The following EXTL2 variants were observed in gnomAD, a reference collection of about 807,000 sequenced individuals.
The protein encoded by EXTL2 is exostosin-like 2.
In EXTL2, 23 loss-of-function variants were observed where a neutral mutation model predicts 30.7. The ratio of observed to expected loss-of-function variants is 0.75; its 90% CI spans 0.54 to 1.06. EXTL2 has a LOEUF of 1.06. Ranked by LOEUF, EXTL2 falls within the 50% of genes least tolerant of loss-of-function variation. The probability of loss-of-function intolerance (pLI) is 0.00; values close to 1 mark genes in which losing one functional copy is unlikely to be tolerated. For synonymous variants in EXTL2, 123 were observed against 133.8 expected, an observed-to-expected ratio of 0.92 and a Z score of 0.56; for missense variants, 352 against 396.3, an observed-to-expected ratio of 0.89 and a Z score of 0.95.
At chr1:100,889,278 AACTC>A in intron 1 of EXTL2, among the ~76,000 whole-genome samples, 1 of 152,252 alleles carries the variant, frequency 6.6e-6, no homozygotes. Context: ...ATCTTGTGAG[AACTC>A]ACTCACTATC....
In EXTL2 at chr1:100,874,384, G is replaced by C. The variant is rs371011616; in HGVS notation, c.551C>G (p.Ser184Cys). Residue 184 changes from serine (S) to cysteine (C), a missense_variant, in exon 5 of 5, where the codon TCT becomes TGT. Ser to Cys is a moderately radical substitution (Grantham distance 112, BLOSUM62 -1). Transcript: ENST00000370114. ...ATAACTGTAGATACCTGATGAAGTAGAGACGTGCTTTCTAGGAACAAATCC... is the reference window on the plus strand; with the variant it reads ...ATAACTGTAGATACCTGATGAAGTACAGACGTGCTTTCTAGGAACAAATCC... ...IVGFVPRKHV[S>C]TSSGIYSYGS... is the part of the protein sequence containing the mutation. The C allele has an allele frequency of 3.7e-6, 6 of 1,608,808 alleles. No individual in the cohort carries two copies. Among genetic ancestry groups the C allele is most frequent in the Non-Finnish European group, 4.2e-6 (5 of 1,177,618 alleles).
intron 2 of EXTL2, among the ~76,000 whole-genome samples, chr1:100,885,148 C>G (rs1183125913): frequency 6.6e-6 from 1 of 152,262 alleles, no homozygotes; most frequent in Non-Finnish European, 1.5e-5. Context: ...ACAGACCACA[C>G]AGGCCCCCTT....
At chr1:100,885,704 A>C (rs1007722412) in intron 2 of EXTL2, 1 of 152,244 alleles carries the variant, frequency 6.6e-6, no homozygotes, top group Admixed American at 6.5e-5. Context: ...GTGCTATACA[A>C]GATTCGGGGA....
At chr1:100,890,553 C>A (rs1006032192) in intron 1 of EXTL2, among the ~76,000 whole-genome samples, 1 of 152,166 alleles carries the variant, frequency 6.6e-6, no homozygotes, top group Non-Finnish European at 1.5e-5. Context: ...TTATGCTCTG[C>A]TTCCCTTTTA....
chr1:100,883,378 T>C (rs1185527023), intron 2 of EXTL2, among the ~76,000 whole-genome samples: 1 of 152,068 alleles, frequency 6.6e-6, no homozygotes, highest in Non-Finnish European at 1.5e-5. Context: ...CCAATCCCTA[T>C]TTTCACTTCC....
At chr1:100,892,266 C>A (rs12740435) in intron 1 of EXTL2, among the ~76,000 whole-genome samples, 86,478 of 151,880 alleles carry the variant, frequency 0.57, 25,136 homozygotes, top group Middle Eastern at 0.65. Flanking sequence ...GGCTGCCAGC[C>A]TGGCTACGAA....
At chr1:100,893,906 G>T (rs935195505) in intron 1 of EXTL2, among the ~76,000 whole-genome samples, 2 of 152,160 alleles carry the variant, frequency 1.3e-5, no homozygotes, top group African/African-American at 4.8e-5. Context: ...GAATTTGGGA[G>T]TCTCTGGAAA....
chr1:100,880,684 A>G (rs946054919), intron 2 of EXTL2, among the ~76,000 whole-genome samples: 8 of 152,186 alleles, frequency 5.3e-5, no homozygotes, highest in Non-Finnish European at 1.0e-4. Context: ...CCCATAACAC[A>G]TATTTTCAGT....
Position 100,876,830 on chromosome 1 carries a change from G to C in EXTL2, c.468C>G (p.Ser156Arg). 6.2e-7 allele frequency: 1 copy of C among 1,612,136 alleles called. No individual in the cohort carries two copies. The highest frequency in any genetic ancestry group is 8.5e-7 in the Non-Finnish European group (1 of 1,178,612). Residue 156 changes from serine to arginine, a missense_variant, in exon 4 of 5, where the codon AGC becomes AGG. Ser to Arg is a moderately radical substitution (Grantham distance 110). Coordinates refer to ENST00000370114, the MANE Select transcript of EXTL2 (RefSeq NM_001033025.3). ...AGAAAGCAAAAACAAGGTCTGGGGTGCTGATGAGTGTGTCATCATCTACCA... is the reference window on the plus strand; with the variant it reads ...AGAAAGCAAAAACAAGGTCTGGGGTCCTGATGAGTGTGTCATCATCTACCA... ...VLMVDDDTLI[S>R]TPDLVFAFSV...
chr1:100,880,991 T>C, intron 2 of EXTL2: 1 of 982,374 alleles, frequency 1.0e-6, no homozygotes, highest in Non-Finnish European at 1.2e-6. Flanking sequence ...AAGTAGGAGT[T>C]TATCCCCTGT....
chr1:100,882,778 T>C (rs1047772280), intron 2 of EXTL2, among the ~76,000 whole-genome samples: 5 of 152,188 alleles, frequency 3.3e-5, no homozygotes, highest in Non-Finnish European at 7.3e-5. Context: ...GAGCTGTGAT[T>C]GCATCACTGC....
intron 2 of EXTL2, among the ~76,000 whole-genome samples, chr1:100,885,292 G>A (rs1296635267): frequency 6.6e-6 from 1 of 152,050 alleles, no homozygotes; most frequent in East Asian, 1.9e-4. Context: ...GAAAGCTCTT[G>A]GTGAATGAGC....
At chr1:100,886,844 GAATT>G (rs1650008512) in intron 2 of EXTL2, among the ~76,000 whole-genome samples, 2 of 152,136 alleles carry the variant, frequency 1.3e-5, no homozygotes, top group Admixed American at 1.3e-4. Flanking sequence ...TTGGAATAGT[GAATT>G]AATTGTAGCT....
intron 2 of EXTL2, among the ~76,000 whole-genome samples, chr1:100,887,924 C>T (rs1650102205): frequency 6.6e-6 from 1 of 152,170 alleles, no homozygotes. Context: ...TGGTCTCGAT[C>T]TCCTGACCTT....
In EXTL2 at chr1:100,881,343, G is replaced by A. The variant is rs149652251; in HGVS notation, c.6-3440C>T. ...CTAGAAGGATTTCACAGTTTTTGGCGTTCTTCTGTTCTTCTTTTAGAGAAA... is the reference window on the plus strand; with the variant it reads ...CTAGAAGGATTTCACAGTTTTTGGCATTCTTCTGTTCTTCTTTTAGAGAAA... On this transcript the variant is annotated intron_variant, in intron 2 of 4. Transcript: ENST00000370114. Among the ~76,000 whole-genome samples, 358 of 152,226 alleles carry A rather than the reference G, an allele frequency of 2.4e-3. 2 individuals carry two copies. The highest frequency in any genetic ancestry group is 8.2e-3 in the African/African-American group (339 of 41,528).
At chr1:100,890,694 G>A (rs572937692) in intron 1 of EXTL2, among the ~76,000 whole-genome samples, 1 of 152,278 alleles carries the variant, frequency 6.6e-6, no homozygotes, top group South Asian at 2.1e-4. Flanking sequence ...TTCCCAATAA[G>A]TTCCTCATCT....
rs1398069363 is a variant in EXTL2, at chr1:100,894,812, G to C, written c.-251C>G. 1 of 152,034 alleles carries C rather than the reference G, an allele frequency of 6.6e-6. No individual in the cohort carries two copies. The highest frequency in any genetic ancestry group is 1.9e-4 in the East Asian group (1 of 5,180). 9.4% of individuals were successfully genotyped at this position (152,034 alleles called of 1,614,324 possible). ...CTGGAAAAAGTGCCGCCCGCAAAGT[G>C]AGCGCCTGGAGCAAGGGACAGTCCC... On this transcript the variant is annotated 5_prime_UTR_variant, in exon 1 of 5. Transcript: ENST00000370114.
chr1:100,888,110 T>C (rs1650125376), intron 2 of EXTL2, among the ~76,000 whole-genome samples: 1 of 152,244 alleles, frequency 6.6e-6, no homozygotes, highest in African/African-American at 2.4e-5. Flanking sequence ...CCTGGAATAC[T>C]ATTTCAATGG....
In EXTL2 at chr1:100,872,434, G is replaced by C. The variant is rs1355058425; in HGVS notation, c.*1508C>G. ...TTTATCTGCTAGAGGAATCATAAGA[G>C]GCAAAAAAGTACTACCAATATTGGA... is the stretch of plus-strand genomic sequence containing the variant. On this transcript the variant is annotated 3_prime_UTR_variant, in exon 5 of 5. Transcript: ENST00000370114. 1 of 152,214 alleles carries C rather than the reference G, an allele frequency of 6.6e-6. No homozygotes were observed. The highest frequency in any genetic ancestry group is 1.5e-5 in the Non-Finnish European group (1 of 67,890). The allele number at this position is 152,214 out of a possible 1,614,324, so 9.4% of individuals were successfully genotyped here. A position where few individuals can be genotyped will look rare whatever the true frequency, so the allele number is the denominator to read the frequency against.
Sources: allele counts gnomAD v4.1 joint callset (sites outside exome capture counted in the v4.1 genomes callset), GRCh38; gene constraint gnomAD v4.1.1; transcripts MANE v1.5; gene names NCBI Gene and HGNC (gene_info 2026-07-23, HGNC 2026-07-21).